LAMA1: variants seen among roughly 807,000 people sequenced by gnomAD.
The protein encoded by LAMA1 is laminin subunit alpha-1.
A neutral mutation model predicts 348.7 loss-of-function variants in LAMA1; 219 were observed. The ratio of observed to expected loss-of-function variants is 0.63; its 90% confidence interval spans 0.56 to 0.70. The LOEUF (loss-of-function observed/expected upper bound fraction) is 0.70. LAMA1 is among the 30% of genes least tolerant of loss of function. LAMA1 has a pLI of 0.00. For synonymous variants in LAMA1, 1,487 were observed against 1,491.0 expected (o/e 1.00, Z 0.06); for missense variants, 3,744 against 3,888.0 (o/e 0.96, Z 0.99).
chr18:7,024,273 T>G, intron 18 of LAMA1, 107 bp downstream of exon 18: 2 of 756,128 alleles, frequency 2.6e-6, no homozygotes, highest in Non-Finnish European at 2.2e-6. Flanking sequence ...GAAATAACAA[T>G]TATGCATCAA....
intron 39 of LAMA1, among the ~76,000 whole-genome samples, chr18:6,983,674 C>T (rs6650625): frequency 0.014 from 2,178 of 152,264 alleles, 47 homozygotes; most frequent in African/African-American, 0.049. Context: ...AATCTTATCC[C>T]TCTAATGGCA....
chr18:6,978,110 G>A (rs924485978), intron 43 of LAMA1, 86 bp downstream of exon 43: 3 of 1,548,672 alleles, frequency 1.9e-6, no homozygotes, highest in East Asian at 2.2e-5. Flanking sequence ...CAGGAATGTT[G>A]TGAAAAACGC....
chr18:6,956,241 G>A, intron 56 of LAMA1: 1 of 347,996 alleles, frequency 2.9e-6, no homozygotes, highest in South Asian at 2.3e-5. Flanking sequence ...GGCCAGAACT[G>A]GCTTTTCCTA....
chr18:7,034,653 A>T lies in LAMA1; in HGVS notation c.1877T>A (p.Leu626Gln). Reference sequence around the variant, plus strand: ...GTACTCTTCATAAGGCTGCAATGACAGACCCTCAGCCTGTGTGCTTAAAGT... The same window carrying T: ...GTACTCTTCATAAGGCTGCAATGACTGACCCTCAGCCTGTGTGCTTAAAGT... ...GLTLSTQAEGLSLQPYEEYLN... is the reference protein window; with the variant it reads ...GLTLSTQAEGQSLQPYEEYLN... Residue 626 changes from leucine (L) to glutamine (Q), a missense_variant, in exon 14 of 63, where the codon CTG (leucine) becomes CAG (glutamine). By Grantham distance (113) the Leu-to-Gln change is moderately radical. Around this residue, in one of 3 missense-constraint regions of LAMA1, gnomAD observed 1,529 missense variants for 1,689.4 expected, o/e 0.91. Transcript: ENST00000389658. 1 of 1,614,238 alleles carries T rather than the reference A, an allele frequency of 6.2e-7. No homozygotes were observed. Among genetic ancestry groups the T allele is most frequent in the Non-Finnish European group, 8.5e-7 (1 of 1,180,030 alleles).
intron 1 of LAMA1, among the ~76,000 whole-genome samples, chr18:7,098,908 C>A (rs1239210887): frequency 1.5e-4 from 22 of 151,120 alleles, no homozygotes; most frequent in Non-Finnish European, 2.5e-4. Context: ...CTCTGCCCGG[C>A]CGCCCCTACT....
intron 59 of LAMA1, 138 bp from the exon 60 acceptor site, chr18:6,948,694 C>A: frequency 1.1e-6 from 1 of 908,928 alleles, no homozygotes; most frequent in Non-Finnish European, 1.7e-6. Flanking sequence ...ACTTTAATTG[C>A]CACAATACTT....
At chr18:6,965,684 G>GT in intron 49 of LAMA1, 1 of 513,164 alleles carries the variant, frequency 1.9e-6, no homozygotes, top group South Asian at 2.2e-5. Flanking sequence ...GAATCTCCTC[G>GT]TATCTTTTTC....
At position 7,036,018 on chromosome 18, in the gene LAMA1, T is replaced by TTAC. The variant is rs1333914482; in HGVS notation, c.1805_1807dup (p.Ser602dup). ...GATGACGTCAGCATGCGACATGAGG[T>TTAC]TACTGTCTACCGTCTCTACCGGAAT... On this transcript the variant is annotated inframe_insertion, in exon 13 of 63. Transcript: ENST00000389658. 2.5e-6 allele frequency: 4 copies of TTAC among 1,614,072 alleles called. No individual in the cohort carries two copies. In the Admixed American group the frequency reaches 6.7e-5, roughly 27 times the overall value.
At chr18:7,042,709 C>G (rs753418654) in intron 8 of LAMA1, 4 of 210,762 alleles carry the variant, frequency 1.9e-5, no homozygotes, top group East Asian at 1.2e-4. Flanking sequence ...ATGGTGAAAC[C>G]CTGTCTCTAC....
intron 3 of LAMA1, among the ~76,000 whole-genome samples, chr18:7,062,885 C>T (rs1427553147): frequency 6.6e-6 from 1 of 152,096 alleles, no homozygotes; most frequent in Non-Finnish European, 1.5e-5. Flanking sequence ...GTTGATGGAG[C>T]GATGGTGAAG....
intron 1 of LAMA1, among the ~76,000 whole-genome samples, chr18:7,085,634 G>T (rs184316177): frequency 5.9e-5 from 9 of 151,888 alleles, no homozygotes; most frequent in Admixed American, 2.6e-4. Context: ...TAGCCAGGAT[G>T]GTCTCGATCT....
At chr18:7,033,154 A>C in intron 14 of LAMA1, 59 bp from the exon 15 acceptor site, 3 of 1,186,674 alleles carry the variant, frequency 2.5e-6, no homozygotes, top group Non-Finnish European at 3.6e-6. Context: ...TCACATCTCA[A>C]TGAAGATGGG....
intron 1 of LAMA1, among the ~76,000 whole-genome samples, chr18:7,089,784 T>C (rs546112052): frequency 7.9e-5 from 12 of 152,248 alleles, no homozygotes; most frequent in African/African-American, 1.7e-4. Flanking sequence ...TGTGAACACA[T>C]AGGAAAGGTG....
At chr18:6,965,959 TAATA>T in intron 49 of LAMA1, 184 bp downstream of exon 49, 2 of 645,700 alleles carry the variant, frequency 3.1e-6, no homozygotes, top group Non-Finnish European at 5.2e-6. Context: ...TCTACAATGA[TAATA>T]AATAATTTAA....
intron 1 of LAMA1, among the ~76,000 whole-genome samples, chr18:7,105,164 C>A (rs575744085): frequency 8.5e-5 from 13 of 152,096 alleles, no homozygotes; most frequent in Non-Finnish European, 1.8e-4. Flanking sequence ...GCAGACCAGG[C>A]GCAGTGGCTC....
At chr18:7,051,300 T>C (rs2058061662) in intron 3 of LAMA1, among the ~76,000 whole-genome samples, 1 of 152,226 alleles carries the variant, frequency 6.6e-6, no homozygotes, top group African/African-American at 2.4e-5. Context: ...GTGATGATTC[T>C]TTCACATTGC....
rs527965677 is a variant in LAMA1, at chr18:7,050,678, C to A, written c.588+16G>T. ...GATGAGGAAACAGATCTTGCTGCAGCGGGCACCATACCTACCTCTCCATGC... is the reference window on the plus strand; with the variant it reads ...GATGAGGAAACAGATCTTGCTGCAGAGGGCACCATACCTACCTCTCCATGC... On this transcript the variant is annotated intron_variant, in intron 4 of 62. Coordinates refer to ENST00000389658, the MANE Select transcript of LAMA1 (RefSeq NM_005559.4). 1.2e-6 allele frequency: 2 copies of A among 1,613,152 alleles called. No individual in the cohort carries two copies. Among genetic ancestry groups the A allele is most frequent in the Non-Finnish European group, 1.7e-6 (2 of 1,180,020 alleles).
chr18:7,030,014 T>C (rs1203879324), intron 16 of LAMA1, among the ~76,000 whole-genome samples: 2 of 151,912 alleles, frequency 1.3e-5, no homozygotes, highest in East Asian at 3.8e-4. Flanking sequence ...TTAACAGATA[T>C]ATGATGCTAC....
intron 1 of LAMA1, among the ~76,000 whole-genome samples, chr18:7,089,035 A>G (rs567551429): frequency 1.3e-5 from 2 of 152,058 alleles, no homozygotes; most frequent in East Asian, 3.9e-4. Flanking sequence ...CATGCTGAGA[A>G]TAGGTCCACA....
Sources: allele counts gnomAD v4.1 joint callset (sites outside exome capture counted in the v4.1 genomes callset), GRCh38; gene constraint gnomAD v4.1.1; regional missense constraint gnomAD v4.1.1; transcripts MANE v1.5; gene names NCBI Gene and HGNC (gene_info 2026-07-23, HGNC 2026-07-21).